The following PTPA variants were observed in gnomAD, a reference collection of about 807,000 sequenced individuals.
PTPA encodes protein phosphatase 2 phosphatase activator, also known as serine/threonine-protein phosphatase 2A activator.
PTPA carries 13 observed loss-of-function variants against 43.6 expected under a neutral mutation model. The observed-to-expected ratio is 0.30, with a 90% CI of 0.19 to 0.47. PTPA has a LOEUF of 0.47. Among genes scored for constraint, PTPA ranks in the 20% least tolerant of loss-of-function variants. The probability of loss-of-function intolerance (pLI) is 0.99; values close to 1 mark genes in which losing one functional copy is unlikely to be tolerated. For synonymous variants in PTPA, 172 were observed against 158.2 expected (o/e 1.09, Z -0.66); for missense variants, 329 against 411.9 (o/e 0.80, Z 1.74).
intron 3 of PTPA, 88 bp from the exon 4 acceptor site, chr9:129,128,897 T>C: frequency 1.1e-5 from 17 of 1,530,532 alleles, no homozygotes; most frequent in Non-Finnish European, 1.5e-5. Context: ...TGCCAAGGGG[T>C]CATTGTCTGG....
chr9:129,134,739 A>G, intron 5 of PTPA, 56 bp from the exon 6 acceptor site: 2 of 1,437,094 alleles, frequency 1.4e-6, no homozygotes, highest in African/African-American at 1.4e-5. Context: ...GGAGACTAAA[A>G]CAATCCCAGT....
chr9:129,112,718 G>C (rs927208932), intron 1 of PTPA, among the ~76,000 whole-genome samples: 2 of 152,164 alleles, frequency 1.3e-5, no homozygotes, highest in Non-Finnish European at 2.9e-5. Flanking sequence ...GAGGCGGGCT[G>C]ATCACCTGAG....
At chr9:129,130,425 T>TTC (rs1554732112) in intron 4 of PTPA, among the ~76,000 whole-genome samples, 1 of 151,690 alleles carries the variant, frequency 6.6e-6, no homozygotes, top group Admixed American at 6.6e-5. Flanking sequence ...TTTTTTTTTT[T>TTC]TCCTGTTGTT....
chr9:129,112,801 C>T (rs1223393746), intron 1 of PTPA, among the ~76,000 whole-genome samples: 2 of 152,170 alleles, frequency 1.3e-5, no homozygotes, highest in Admixed American at 6.5e-5. Flanking sequence ...ATTAGCCGGG[C>T]GTGGTGACAC....
At chr9:129,121,159 A>G (rs1849226900) in intron 2 of PTPA, among the ~76,000 whole-genome samples, 1 of 152,236 alleles carries the variant, frequency 6.6e-6, no homozygotes, top group South Asian at 2.1e-4. Context: ...CTGTGGAAAG[A>G]CAGACTGAGC....
chr9:129,128,064 C>T (rs766847465), intron 3 of PTPA: 41 of 1,330,090 alleles, frequency 3.1e-5, no homozygotes, highest in Non-Finnish European at 3.7e-5. Context: ...TGTGCACCTT[C>T]GGAGGTATTT....
intron 8 of PTPA, among the ~76,000 whole-genome samples, chr9:129,141,390 T>G (rs530661387): frequency 4.7e-4 from 72 of 152,304 alleles, no homozygotes; most frequent in African/African-American, 1.7e-3. Context: ...CAAGTCTCTG[T>G]TTCTTTGCCA....
At chr9:129,127,446 G>A (rs549145145) in intron 3 of PTPA, among the ~76,000 whole-genome samples, 1 of 152,322 alleles carries the variant, frequency 6.6e-6, no homozygotes, top group Non-Finnish European at 1.5e-5. Flanking sequence ...AGTTTCTTAT[G>A]CCGTTTGTTT....
chr9:129,134,659 G>T (rs945439369), intron 5 of PTPA, 136 bp from the exon 6 acceptor site: 1 of 647,038 alleles, frequency 1.5e-6, no homozygotes, highest in Non-Finnish European at 2.7e-6. Flanking sequence ...TTCTGAATGG[G>T]GAAGAGGTCT....
intron 4 of PTPA, among the ~76,000 whole-genome samples, chr9:129,130,861 C>T (rs1394319883): frequency 2.0e-5 from 3 of 152,170 alleles, no homozygotes; most frequent in Non-Finnish European, 4.4e-5. Flanking sequence ...CAATTGATAT[C>T]GCCCAGATTA....
chr9:129,137,611 C>T lies in PTPA; in HGVS notation c.705C>T (p.Pro235=), dbSNP rs965677095. ...SQLIDHPYLE[P]RHFVDEKAVN... ...TCCCAGACCACCCATACCTGGAGCC[C>T]AGACACTTTGTGGATGAGAAGGCCG... Residue 235 remains proline (P), a synonymous_variant, in exon 8 of 10, where the codon CCC becomes CCT. Coordinates refer to ENST00000393370, the MANE Select transcript of PTPA (RefSeq NM_178000.3). 2.5e-6 allele frequency: 4 copies of T among 1,612,676 alleles called. No homozygotes were observed. Among genetic ancestry groups the T allele is most frequent in the Non-Finnish European group, 2.5e-6 (3 of 1,179,382 alleles).
intron 7 of PTPA, 82 bp downstream of exon 7, chr9:129,136,677 C>T: frequency 1.4e-6 from 2 of 1,437,224 alleles, no homozygotes; most frequent in Non-Finnish European, 1.9e-6. Context: ...CCTGCGCTCC[C>T]TCCTTCCCTT....
At chr9:129,136,160 G>T (rs17508867) in intron 6 of PTPA, among the ~76,000 whole-genome samples, 2 of 151,862 alleles carry the variant, frequency 1.3e-5, no homozygotes, top group Admixed American at 6.6e-5. Context: ...GTAGAGACGG[G>T]GTTTCACCGT....
At chr9:129,145,583 GGGA>G (rs1354478072) in intron 9 of PTPA, among the ~76,000 whole-genome samples, 1 of 152,120 alleles carries the variant, frequency 6.6e-6, no homozygotes, top group Non-Finnish European at 1.5e-5. Flanking sequence ...GTTGATTGAG[GGGA>G]GTCAGCCTCC....
intron 9 of PTPA, among the ~76,000 whole-genome samples, chr9:129,145,871 C>T (rs559742812): frequency 5.3e-5 from 8 of 152,258 alleles, no homozygotes; most frequent in Middle Eastern, 3.4e-3. Flanking sequence ...GCCGCTGCTC[C>T]GCCCAGGTAC....
chr9:129,125,369 A>T (rs143145777), intron 3 of PTPA, among the ~76,000 whole-genome samples: 5,724 of 151,716 alleles, frequency 0.038, 345 homozygotes, highest in African/African-American at 0.13. Context: ...CTCCTGCCTC[A>T]GCCTCCCGAG....
intron 8 of PTPA, among the ~76,000 whole-genome samples, chr9:129,141,375 C>T (rs1384812776): frequency 4.6e-5 from 7 of 152,106 alleles, no homozygotes; most frequent in Non-Finnish European, 1.0e-4. Flanking sequence ...GTTTCTAGAA[C>T]CTTCCAAGTC....
rs949321099 is a variant in PTPA at position 129,117,341 on chromosome 9, C to G, written c.32-3172C>G. ...GGATTATAGGCGGGAGGCACTGTGC[C>G]TGGCCTAGATTTTATTCATTTTATA... On this transcript the variant is annotated intron_variant, in intron 1 of 9. Transcript: ENST00000393370. Among the ~76,000 whole-genome samples the G allele has an allele frequency of 2.6e-5, 4 of 152,300 alleles. No homozygotes were observed. In the East Asian group the frequency reaches 7.7e-4, roughly 29 times the overall value.
intron 1 of PTPA, among the ~76,000 whole-genome samples, chr9:129,112,365 TAAG>T (rs1848580822): frequency 6.6e-6 from 1 of 152,322 alleles, no homozygotes; most frequent in African/African-American, 2.4e-5. Context: ...TACCTTGAAC[TAAG>T]AAGGACTGGC....
Sources: allele counts gnomAD v4.1 joint callset (sites outside exome capture counted in the v4.1 genomes callset), GRCh38; gene constraint gnomAD v4.1.1; transcripts MANE v1.5; gene names NCBI Gene and HGNC (gene_info 2026-07-23, HGNC 2026-07-21).